NINL: variants seen among roughly 807,000 people sequenced by gnomAD.
The protein encoded by NINL is ninein like, also known as ninein-like protein.
In NINL, 153 loss-of-function variants were observed where a neutral mutation model predicts 160.3. The ratio of observed to expected loss-of-function variants is 0.95; its 90% CI spans 0.84 to 1.09. NINL has a LOEUF of 1.09. NINL is among the 50% of genes least tolerant of loss of function. NINL has a pLI of 0.00. For synonymous variants in NINL, 800 were observed against 734.8 expected, an observed-to-expected ratio of 1.09 and a Z score of -1.43; for missense variants, 1,829 against 1,764.0, an observed-to-expected ratio of 1.04 and a Z score of -0.66.
chr20:25,476,744 C>A lies in NINL; in HGVS notation c.2547G>T (p.Leu849=). ...GTGGCCGCTCCCCACAGCCCGGACG[C>A]AGTGGTAGGAGGCCACGTGTGCCCT... ...GQEGTRGLLP[L]RPGCGERPLA... Residue 849 remains leucine, a synonymous_variant, in exon 17 of 24, where the codon CTG becomes CTT. Coordinates refer to ENST00000278886, the MANE Select transcript of NINL (RefSeq NM_025176.6). 6.2e-7 allele frequency: 1 copy of A among 1,608,132 alleles called. No homozygotes were observed. Among genetic ancestry groups the A allele is most frequent in the Non-Finnish European group, 8.5e-7 (1 of 1,179,568 alleles).
chr20:25,550,929 G>A (rs1053616201), intron 1 of NINL, among the ~76,000 whole-genome samples: 3 of 152,114 alleles, frequency 2.0e-5, no homozygotes, highest in Non-Finnish European at 2.9e-5. Flanking sequence ...CGGGCTGGGG[G>A]ACGGTAAGGT....
At chr20:25,572,911 G>A (rs556625051) in intron 1 of NINL, among the ~76,000 whole-genome samples, 3 of 152,138 alleles carry the variant, frequency 2.0e-5, no homozygotes, top group South Asian at 2.1e-4. Context: ...TCCACGTCCC[G>A]GTCCATTCTA....
intron 13 of NINL, among the ~76,000 whole-genome samples, chr20:25,482,492 C>G: frequency 6.6e-6 from 1 of 152,216 alleles, no homozygotes; most frequent in East Asian, 1.9e-4. Flanking sequence ...GTGTGCGCCA[C>G]TACGCCTGGT....
At position 25,479,060 on chromosome 20, in the gene NINL, C is replaced by A; in HGVS notation, c.2064G>T (p.Glu688Asp). 6.2e-7 allele frequency: 1 copy of A among 1,612,550 alleles called. No individual in the cohort carries two copies. Among genetic ancestry groups the A allele is most frequent in the Non-Finnish European group, 8.5e-7 (1 of 1,180,026 alleles). ...DLEELHEKSQ[E>D]VIWGLQEQLQ... Reference sequence around the variant, plus strand: ...GCTGCTCCTGCAGGCCCCAGATGACCTCCTGAGACTTCTCGTGGAGCTCCT... The same window carrying A: ...GCTGCTCCTGCAGGCCCCAGATGACATCCTGAGACTTCTCGTGGAGCTCCT... Residue 688 changes from glutamate (E) to aspartate (D), a missense_variant, in exon 16 of 24, where the codon GAG (glutamate) becomes GAT (aspartate). Physicochemically the swap from Glu to Asp is conservative, Grantham distance 45. Coordinates refer to ENST00000278886, the MANE Select transcript of NINL (RefSeq NM_025176.6).
At chr20:25,507,192 C>A (rs565016802) in intron 5 of NINL, among the ~76,000 whole-genome samples, 1 of 152,276 alleles carries the variant, frequency 6.6e-6, no homozygotes, top group South Asian at 2.1e-4. Flanking sequence ...GCTCCTCCAT[C>A]CTTAACATTT....
At position 25,527,895 on chromosome 20, in the gene NINL, A is replaced by G. The variant is rs545509265; in HGVS notation, c.-11-1297T>C. On this transcript the variant is annotated intron_variant, in intron 1 of 23. Coordinates refer to ENST00000278886, the MANE Select transcript of NINL (RefSeq NM_025176.6). ...TTTAAGAAAATAGTTACAGACAAAG[A>G]TATGAGTTCATCAGAATATTATTTA... is the stretch of plus-strand genomic sequence containing the variant. Among the ~76,000 whole-genome samples the G allele has an allele frequency of 2.0e-5, 3 of 152,350 alleles. No individual in the cohort carries two copies. The South Asian group carries it at 6.2e-4, about 32-fold the overall frequency.
intron 5 of NINL, among the ~76,000 whole-genome samples, chr20:25,508,856 G>C (rs1373800818): frequency 6.6e-6 from 1 of 152,020 alleles, no homozygotes; most frequent in African/African-American, 2.4e-5. Flanking sequence ...GGATCCCGCA[G>C]TTTGCTCCCT....
intron 1 of NINL, among the ~76,000 whole-genome samples, chr20:25,572,079 C>G (rs191204546): frequency 6.6e-6 from 1 of 152,102 alleles, no homozygotes; most frequent in African/African-American, 2.4e-5. Flanking sequence ...CTCTGCAGAA[C>G]GCATGTGCAG....
At chr20:25,567,007 A>G (rs889669507) in intron 1 of NINL, among the ~76,000 whole-genome samples, 24 of 152,084 alleles carry the variant, frequency 1.6e-4, no homozygotes, top group African/African-American at 4.3e-4. Context: ...TTAGCCAGGC[A>G]TGGTGGTGCA....
At chr20:25,453,736 CCA>C (rs1452626667) in intron 23 of NINL, 94 bp from the exon 24 acceptor site, 24 of 1,220,686 alleles carry the variant, frequency 2.0e-5, no homozygotes, top group South Asian at 3.2e-5. Flanking sequence ...TTTACGCAAA[CCA>C]CAGTTTTGGG....
In NINL at chr20:25,501,021, G is replaced by C; in HGVS notation, c.862-11C>G. On this transcript the variant is annotated splice_polypyrimidine_tract_variant and intron_variant, in intron 7 of 23. Transcript: ENST00000278886. ...GCTCTCCTCTGGGACCTGCATGTCA[G>C]GAAGACTTCCATAGCGCCCAGCGTC... The C allele has an allele frequency of 1.2e-6, 2 of 1,613,168 alleles. No homozygotes were observed. Among genetic ancestry groups the C allele is most frequent in the Non-Finnish European group, 8.5e-7 (1 of 1,179,602 alleles).
In NINL at chr20:25,453,160, G is replaced by A; in HGVS notation, c.*291C>T. On this transcript the variant is annotated 3_prime_UTR_variant, in exon 24 of 24. Coordinates refer to ENST00000278886, the MANE Select transcript of NINL (RefSeq NM_025176.6). ...ACTGCTCACTTACCTGCTCCTTGCTGACAGCTCCCAGGATCTGGCTCCAGA... is the reference window on the plus strand; with the variant it reads ...ACTGCTCACTTACCTGCTCCTTGCTAACAGCTCCCAGGATCTGGCTCCAGA... The A allele has an allele frequency of 3.3e-6, 1 of 302,144 alleles. No individual in the cohort carries two copies. The highest frequency in any genetic ancestry group is 6.1e-6 in the Non-Finnish European group (1 of 164,176). 18.7% of individuals were successfully genotyped at this position (302,144 alleles called of 1,614,324 possible). A position where few individuals can be genotyped will look rare whatever the true frequency, so the allele number is the denominator to read the frequency against.
Position 25,565,389 on chromosome 20 carries a change from G to A in NINL, c.-12+20066C>T, listed in dbSNP as rs145174080. 1.1e-4 allele frequency among the ~76,000 whole-genome samples: 16 copies of A among 152,102 alleles called. No individual in the cohort carries two copies. In the East Asian group the frequency reaches 3.1e-3, roughly 29 times the overall value. On this transcript the variant is annotated intron_variant, in intron 1 of 23. Coordinates refer to ENST00000278886, the MANE Select transcript of NINL (RefSeq NM_025176.6). ...AGGGGAGGAAGAGAGAAAGAAAGGA[G>A]GGAAGAGGAGGAGGAGGGAGAGGGA...
At chr20:25,507,186 C>T (rs185378637) in intron 5 of NINL, among the ~76,000 whole-genome samples, 2 of 152,284 alleles carry the variant, frequency 1.3e-5, no homozygotes, top group East Asian at 1.9e-4. Context: ...TAATGAGCTC[C>T]TCCATCCTTA....
chr20:25,562,642 G>A (rs1293144433), intron 1 of NINL, among the ~76,000 whole-genome samples: 2 of 147,288 alleles, frequency 1.4e-5, no homozygotes, highest in Non-Finnish European at 3.0e-5. Context: ...CAAGTACCCA[G>A]GGACACACAC....
Position 25,505,103 on chromosome 20 carries a change from T to C in NINL, c.518-25A>G, listed in dbSNP as rs774427845. 4 of 1,530,428 alleles carry C rather than the reference T, an allele frequency of 2.6e-6. No individual in the cohort carries two copies. The South Asian group carries it at 3.9e-5, about 15-fold the overall frequency. 94.8% of individuals were successfully genotyped at this position (1,530,428 alleles called of 1,614,324 possible). ...CCTGAAGCAAGGGAGGAGTCACAGT[T>C]ACACCCTGATACATACACAATGGAG... On this transcript the variant is annotated intron_variant, in intron 5 of 23. Coordinates refer to ENST00000278886, the MANE Select transcript of NINL (RefSeq NM_025176.6).
At chr20:25,534,966 G>A (rs532508397) in intron 1 of NINL, among the ~76,000 whole-genome samples, 92 of 152,270 alleles carry the variant, frequency 6.0e-4, no homozygotes, top group African/African-American at 1.9e-3. Flanking sequence ...CAGTATAGAG[G>A]CAACCATCAC....
intron 7 of NINL, 124 bp downstream of exon 7, chr20:25,503,828 G>A (rs537673213): frequency 1.6e-5 from 19 of 1,155,266 alleles, no homozygotes; most frequent in Non-Finnish European, 2.2e-5. Flanking sequence ...GTGTGTGCAT[G>A]GCCTGTCCAG....
chr20:25,548,880 G>A (rs1200698684), intron 1 of NINL, among the ~76,000 whole-genome samples: 3 of 70,528 alleles, frequency 4.3e-5, no homozygotes, highest in Non-Finnish European at 5.7e-5. Flanking sequence ...CACGGCCACA[G>A]GTCCCACACC....
Sources: gnomAD v4.1 joint callset for allele counts (sites outside exome capture counted in the v4.1 genomes callset) on GRCh38, gnomAD v4.1.1 for gene constraint, MANE v1.5 for transcripts, NCBI Gene and HGNC (gene_info 2026-07-23, HGNC 2026-07-21) for gene names.